The following PTPRT variants were observed in gnomAD, a reference collection of about 807,000 sequenced individuals.
PTPRT encodes receptor-type tyrosine-protein phosphatase T.
A neutral mutation model predicts 176.8 loss-of-function variants in PTPRT; 56 were observed. That is an observed-to-expected ratio of 0.32 (90% CI 0.26 to 0.40). PTPRT has a LOEUF of 0.40. Among genes scored for constraint, PTPRT ranks in the 10% least tolerant of loss-of-function variants. The pLI is 1.00. For synonymous variants in PTPRT, 783 were observed against 739.0 expected (o/e 1.06, Z -0.96); for missense variants, 1,540 against 1,908.2 (o/e 0.81, Z 3.60).
At chr20:42,756,109 A>T (rs1382439714) in intron 6 of PTPRT, among the ~76,000 whole-genome samples, 1 of 152,216 alleles carries the variant, frequency 6.6e-6, no homozygotes, top group Non-Finnish European at 1.5e-5. Flanking sequence ...AAACAATAGT[A>T]CGAGAACACT....
intron 7 of PTPRT, among the ~76,000 whole-genome samples, chr20:42,648,349 C>T (rs1375873164): frequency 6.6e-6 from 1 of 152,140 alleles, no homozygotes; most frequent in Non-Finnish European, 1.5e-5. Flanking sequence ...CTACTGCTGT[C>T]CTCCCAGCAA....
rs923144524 is a variant in PTPRT, at chr20:42,080,345, A to T, written c.*534T>A. The T allele has an allele frequency of 1.7e-5, 4 of 233,118 alleles. No homozygotes were observed. Among genetic ancestry groups the T allele is most frequent in the Non-Finnish European group, 3.4e-5 (4 of 118,184 alleles). The allele number at this position is 233,118 out of a possible 1,614,324, so 14.4% of individuals were successfully genotyped here. On this transcript the variant is annotated 3_prime_UTR_variant, in exon 31 of 31. Coordinates refer to ENST00000373187, the MANE Select transcript of PTPRT (RefSeq NM_007050.6). Reference sequence around the variant, plus strand: ...GGGCCTCTCTTGTGGCCTAGGGAACATCGTAAGGTCACACTGGTCCAGACT... The same window carrying T: ...GGGCCTCTCTTGTGGCCTAGGGAACTTCGTAAGGTCACACTGGTCCAGACT...
intron 1 of PTPRT, among the ~76,000 whole-genome samples, chr20:43,122,085 G>A (rs2013281125): frequency 6.6e-6 from 1 of 152,098 alleles, no homozygotes; most frequent in African/African-American, 2.4e-5. Flanking sequence ...TCCCCGGGAG[G>A]ATCCCATCCT....
chr20:43,180,998 C>T (rs961760394), intron 1 of PTPRT, among the ~76,000 whole-genome samples: 2 of 152,156 alleles, frequency 1.3e-5, no homozygotes, highest in African/African-American at 4.8e-5. Context: ...CCATCTTGCT[C>T]ACACTCTCTC....
At chr20:42,766,532 T>A (rs578244887) in intron 5 of PTPRT, among the ~76,000 whole-genome samples, 23 of 152,296 alleles carry the variant, frequency 1.5e-4, no homozygotes, top group African/African-American at 5.3e-4. Flanking sequence ...TCTAAAGACA[T>A]ATAAAGTTTC....
intron 2 of PTPRT, among the ~76,000 whole-genome samples, chr20:42,806,352 C>A (rs57394208): frequency 6.6e-6 from 1 of 151,630 alleles, no homozygotes; most frequent in Non-Finnish European, 1.5e-5. Context: ...TGCATGGTGG[C>A]GCACGATTGT....
rs146474971 is a variant in PTPRT at position 42,102,139 on chromosome 20, G to A, written c.3699C>T (p.Asn1233=). The A allele has an allele frequency of 1.0e-4, 169 of 1,614,132 alleles. No homozygotes were observed. The East Asian group carries it at 1.7e-3, about 16-fold the overall frequency. ...CTCGGCTTACATCCATCAGTGCTGC[G>A]TTGATGTAATTGCTGGATTCTCCGT... ...SVDGESSNYI[N]AALMDSHKQP... Residue 1233 remains asparagine, a synonymous_variant, in exon 26 of 31, where the codon AAC becomes AAT. Coordinates refer to ENST00000373187, the MANE Select transcript of PTPRT (RefSeq NM_007050.6).
intron 2 of PTPRT, among the ~76,000 whole-genome samples, chr20:42,796,988 T>C (rs2145571606): frequency 6.6e-6 from 1 of 152,322 alleles, no homozygotes; most frequent in Non-Finnish European, 1.5e-5. Context: ...AACTACTATT[T>C]ATAAAGTGCG....
chr20:42,243,380 C>A (rs1371947038), intron 14 of PTPRT, among the ~76,000 whole-genome samples: 2 of 152,142 alleles, frequency 1.3e-5, no homozygotes, highest in East Asian at 3.9e-4. Flanking sequence ...GTGATAAATA[C>A]ACAAATGAAG....
At chr20:43,140,782 G>A (rs1342431904) in intron 1 of PTPRT, among the ~76,000 whole-genome samples, 1 of 152,198 alleles carries the variant, frequency 6.6e-6, no homozygotes, top group Non-Finnish European at 1.5e-5. Context: ...GAGCCACTGT[G>A]TGTGAAATTA....
At chr20:42,995,455 C>A (rs376438746) in intron 1 of PTPRT, among the ~76,000 whole-genome samples, 1 of 152,160 alleles carries the variant, frequency 6.6e-6, no homozygotes. Flanking sequence ...CCAAGTGACA[C>A]ACCCAATTTA....
chr20:42,317,038 T>C (rs1013579113), intron 11 of PTPRT, among the ~76,000 whole-genome samples: 1 of 148,660 alleles, frequency 6.7e-6, no homozygotes, highest in Admixed American at 6.7e-5. Flanking sequence ...CCCCACCCCA[T>C]ACTGCCCAGC....
intron 23 of PTPRT, among the ~76,000 whole-genome samples, chr20:42,107,197 T>C (rs1019049573): frequency 6.7e-6 from 1 of 150,352 alleles, no homozygotes; most frequent in Non-Finnish European, 1.5e-5. Flanking sequence ...TAGATATGTC[T>C]TTCCTATTTT....
intron 27 of PTPRT, among the ~76,000 whole-genome samples, chr20:42,092,801 G>A (rs1473428511): frequency 2.0e-5 from 3 of 152,292 alleles, no homozygotes; most frequent in East Asian, 3.9e-4. Flanking sequence ...CTTTTCTCCT[G>A]GGAGAATGAG....
intron 14 of PTPRT, among the ~76,000 whole-genome samples, chr20:42,237,674 G>A (rs2056273110): frequency 6.6e-6 from 1 of 152,154 alleles, no homozygotes; most frequent in Non-Finnish European, 1.5e-5. Flanking sequence ...ACTGGCTCCT[G>A]GCTTCTAAGC....
intron 6 of PTPRT, among the ~76,000 whole-genome samples, chr20:42,703,641 C>T (rs1233871612): frequency 6.6e-6 from 1 of 152,122 alleles, no homozygotes; most frequent in Non-Finnish European, 1.5e-5. Flanking sequence ...AGCTTAGAGA[C>T]CATCTAGCCT....
intron 13 of PTPRT, among the ~76,000 whole-genome samples, chr20:42,257,597 G>C (rs2056664430): frequency 7.1e-6 from 1 of 141,710 alleles, no homozygotes; most frequent in Non-Finnish European, 1.5e-5. Flanking sequence ...CAGTGAGTGA[G>C]TTCTCGTGAG....
chr20:42,677,820 T>C lies in PTPRT; in HGVS notation c.1153+46A>G, dbSNP rs372809654. On this transcript the variant is annotated intron_variant, in intron 7 of 30. Transcript: ENST00000373187. Reference sequence around the variant, plus strand: ...GCAAGAGGAAAGCCAGTCTTGGCAATAGCACAGCCTCTCATAATGGAGCCT... The same window carrying C: ...GCAAGAGGAAAGCCAGTCTTGGCAACAGCACAGCCTCTCATAATGGAGCCT... 7.0e-4 allele frequency: 1,095 copies of C among 1,572,430 alleles called. 3 individuals are homozygous for C. Among genetic ancestry groups the C allele is most frequent in the East Asian group, 9.3e-4 (41 of 44,224 alleles).
the PTPRT span, among the ~76,000 whole-genome samples, chr20:42,039,085 A>G: frequency 1.3e-5 from 2 of 152,148 alleles, no homozygotes; most frequent in African/African-American, 4.8e-5. Flanking sequence ...TCTGGGATTG[A>G]TCTGTCTAGT....
Sources: allele counts gnomAD v4.1 joint callset (sites outside exome capture counted in the v4.1 genomes callset), GRCh38; gene constraint gnomAD v4.1.1; transcripts MANE v1.5; gene names NCBI Gene and HGNC (gene_info 2026-07-23, HGNC 2026-07-21).